The following TSPEAR variants were observed in gnomAD, a reference collection of about 807,000 sequenced individuals.
TSPEAR encodes thrombospondin type laminin G domain and EAR repeats.
A neutral mutation model predicts 71.6 loss-of-function variants in TSPEAR; 69 were observed. The ratio of observed to expected loss-of-function variants is 0.96; its 90% CI spans 0.79 to 1.18. The LOEUF (loss-of-function observed/expected upper bound fraction) is 1.18, where lower values mean the gene tolerates loss of function less well. Among genes scored for constraint, TSPEAR ranks in the 50% most tolerant of loss-of-function variants. The probability of loss-of-function intolerance (pLI) is 0.00; values close to 1 mark genes in which losing one functional copy is unlikely to be tolerated. For missense variants in TSPEAR, 971 were observed against 894.9 expected, an observed-to-expected ratio of 1.09 and a Z score of -1.09; for synonymous variants, 402 against 387.2, an observed-to-expected ratio of 1.04 and a Z score of -0.45.
chr21:44,698,374 C>T (rs1216856187), intron 1 of TSPEAR, among the ~76,000 whole-genome samples: 1 of 152,190 alleles, frequency 6.6e-6, no homozygotes, highest in Non-Finnish European at 1.5e-5. Context: ...GCCCTCGCGC[C>T]CAGTCTCAGC....
chr21:44,530,991 G>A, intron 4 of TSPEAR, 52 bp downstream of exon 4: 3 of 1,436,022 alleles, frequency 2.1e-6, no homozygotes, highest in Non-Finnish European at 2.0e-6. Context: ...CTGGCCTGGG[G>A]CAGTCCCATC....
chr21:44,591,692 G>T (rs1158572406), intron 1 of TSPEAR: 1 of 1,577,136 alleles, frequency 6.3e-7, no homozygotes, highest in East Asian at 2.3e-5. Context: ...TGCTGGCAGG[G>T]GGAGGAGGTG....
At chr21:44,534,225 GGT>G (rs1313081052) in intron 2 of TSPEAR, among the ~76,000 whole-genome samples, 2 of 24,412 alleles carry the variant, frequency 8.2e-5, no homozygotes, top group Admixed American at 6.6e-4. Flanking sequence ...GGGCGGGGCT[GGT>G]GTGTGAGGGG....
rs1555940168 is a variant in TSPEAR, at chr21:44,647,048, T to C, written c.82+64385A>G. Reference sequence around the variant, plus strand: ...TGCGTGCCTGTCTGCTGCAAGACTGTCTACTGCAAGCCCATCTGCTGTGTG... The same window carrying C: ...TGCGTGCCTGTCTGCTGCAAGACTGCCTACTGCAAGCCCATCTGCTGTGTG... On this transcript the variant is annotated intron_variant, in intron 1 of 11. Transcript: ENST00000323084. 5 of 1,613,536 alleles carry C rather than the reference T, an allele frequency of 3.1e-6. No individual in the cohort carries two copies. In the African/African-American group the frequency reaches 4.0e-5, roughly 13 times the overall value.
chr21:44,628,462 G>A, intron 1 of TSPEAR, among the ~76,000 whole-genome samples: 1 of 151,900 alleles, frequency 6.6e-6, no homozygotes, highest in Non-Finnish European at 1.5e-5. Context: ...TGGGCCCCGT[G>A]GATCTCTTTA....
At chr21:44,530,553 A>G (rs2052948661) in intron 4 of TSPEAR, among the ~76,000 whole-genome samples, 1 of 152,096 alleles carries the variant, frequency 6.6e-6, no homozygotes, top group South Asian at 2.1e-4. Context: ...CCATCCCTCC[A>G]TCTGCCCATC....
intron 10 of TSPEAR, among the ~76,000 whole-genome samples, chr21:44,505,236 G>A (rs1555911748): frequency 1.3e-5 from 2 of 151,838 alleles, no homozygotes; most frequent in Non-Finnish European, 2.9e-5. Flanking sequence ...GCGGCACCAC[G>A]CCCGGCTAAT....
intron 8 of TSPEAR, among the ~76,000 whole-genome samples, chr21:44,522,655 T>C (rs2052758707): frequency 6.6e-6 from 1 of 152,210 alleles, no homozygotes; most frequent in Admixed American, 6.5e-5. Context: ...CAGGTACTCA[T>C]GGTGGCCGCT....
chr21:44,698,044 C>G, intron 1 of TSPEAR: 1 of 1,393,226 alleles, frequency 7.2e-7, no homozygotes, highest in Non-Finnish European at 9.8e-7. Flanking sequence ...CTCGGCTGCT[C>G]TGGTGTCTGT....
rs1317841860 is a variant in TSPEAR, at chr21:44,525,841, T to G, written c.1150-2A>C. On this transcript the variant is annotated splice_acceptor_variant, in intron 7 of 11. Transcript: ENST00000323084. LOFTEE classifies it high-confidence loss of function. ...AAAATTAGCCACTGCCAGGAAGATCTGAAAGAGAGTAAACCGGGACCACGT... is the reference window on the plus strand; with the variant it reads ...AAAATTAGCCACTGCCAGGAAGATCGGAAAGAGAGTAAACCGGGACCACGT... 6.2e-6 allele frequency: 10 copies of G among 1,613,842 alleles called. No individual in the cohort carries two copies. Among genetic ancestry groups the G allele is most frequent in the African/African-American group, 1.3e-5 (1 of 74,904 alleles).
At chr21:44,647,222 C>G in intron 1 of TSPEAR, 1 of 1,613,864 alleles carries the variant, frequency 6.2e-7, no homozygotes, top group South Asian at 1.1e-5. Context: ...CCCGTCTCCT[C>G]CTGCTGTGCC....
intron 1 of TSPEAR, among the ~76,000 whole-genome samples, chr21:44,622,705 T>A (rs1216115648): frequency 1.3e-5 from 2 of 152,220 alleles, no homozygotes; most frequent in Admixed American, 6.5e-5. Flanking sequence ...GGATTTAAGG[T>A]TCACTATAAC....
chr21:44,675,616 G>A (rs587694244), intron 1 of TSPEAR, among the ~76,000 whole-genome samples: 1 of 151,894 alleles, frequency 6.6e-6, no homozygotes, highest in East Asian at 1.9e-4. Context: ...TATTTTGATT[G>A]GCCTCACAAG....
At chr21:44,654,218 T>G (rs1984982853) in intron 1 of TSPEAR, 1 of 1,415,568 alleles carries the variant, frequency 7.1e-7, no homozygotes, top group African/African-American at 1.4e-5. Flanking sequence ...TGGCAGGAGT[T>G]CAGAGAGCCT....
intron 1 of TSPEAR, chr21:44,574,981 GC>G (rs781931296): frequency 3.7e-6 from 6 of 1,611,230 alleles, no homozygotes; most frequent in Non-Finnish European, 5.1e-6. Flanking sequence ...GTGTGCTCCC[GC>G]CCAGCCTGCT....
chr21:44,667,039 C>T lies in TSPEAR; in HGVS notation c.82+44394G>A, dbSNP rs782225974. 74 of 897,074 alleles carry T rather than the reference C, an allele frequency of 8.2e-5. No individual in the cohort carries two copies. The Middle Eastern group carries it at 1.1e-3, about 13-fold the overall frequency. The allele number at this position is 897,074 out of a possible 1,614,324, so 55.6% of individuals were successfully genotyped here. ...TCTTCCTCAGTGCTGTCTCCTGGAG[C>T]TTAATTTTCTGTTGTAGGTGTCTCT... On this transcript the variant is annotated intron_variant, in intron 1 of 11. Coordinates refer to ENST00000323084, the MANE Select transcript of TSPEAR (RefSeq NM_144991.3).
In TSPEAR at chr21:44,546,810, T is replaced by G. The variant is rs949848854; in HGVS notation, c.304-12887A>C. On this transcript the variant is annotated intron_variant, in intron 2 of 11. Coordinates refer to ENST00000323084, the MANE Select transcript of TSPEAR (RefSeq NM_144991.3). The surrounding 1 kb of genome is among the most constrained non-coding windows in gnomAD (Gnocchi z 4.4). ...TCCAGCAGCTTTCTAGATTCTGTTT[T>G]GACTTTTGAGAATTTGATTACACTG... Among the ~76,000 whole-genome samples, 2 of 152,266 alleles carry G rather than the reference T, an allele frequency of 1.3e-5. No homozygotes were observed. Among genetic ancestry groups the G allele is most frequent in the African/African-American group, 2.4e-5 (1 of 41,462 alleles).
intron 1 of TSPEAR, chr21:44,702,465 C>T: frequency 2.5e-6 from 4 of 1,609,416 alleles, no homozygotes; most frequent in East Asian, 4.5e-5. Flanking sequence ...GCCAGCAGTC[C>T]TGCTGTGTGC....
chr21:44,545,135 T>C (rs974186764), intron 2 of TSPEAR, among the ~76,000 whole-genome samples: 4 of 151,580 alleles, frequency 2.6e-5, no homozygotes, highest in South Asian at 2.1e-4. Flanking sequence ...CTGGCTAACA[T>C]GGTGAAACCC....
Sources: gnomAD v4.1 joint callset for allele counts (sites outside exome capture counted in the v4.1 genomes callset) on GRCh38, gnomAD v4.1.1 for gene constraint, Gnocchi (gnomAD v3.1) non-coding constraint, MANE v1.5 for transcripts, NCBI Gene and HGNC (gene_info 2026-07-23, HGNC 2026-07-21) for gene names.